The following ARHGAP24 variants were observed in gnomAD, a reference collection of about 807,000 sequenced individuals.
The protein encoded by ARHGAP24 is Rho GTPase activating protein 24.
In ARHGAP24, 50 loss-of-function variants were observed where a neutral mutation model predicts 76.4. The ratio of observed to expected loss-of-function variants is 0.65; its 90% confidence interval spans 0.52 to 0.83. The LOEUF is 0.83. Among genes scored for constraint, ARHGAP24 ranks in the 40% least tolerant of loss-of-function variants. The pLI, the probability that ARHGAP24 is intolerant of heterozygous loss-of-function variation, is 0.00. For synonymous variants in ARHGAP24, 345 were observed against 323.3 expected, an observed-to-expected ratio of 1.07 and a Z score of -0.72; for missense variants, 930 against 914.2, an observed-to-expected ratio of 1.02 and a Z score of -0.22.
intron 3 of ARHGAP24, among the ~76,000 whole-genome samples, chr4:85,776,238 T>A (rs925473290): frequency 5.3e-5 from 8 of 152,124 alleles, no homozygotes; most frequent in African/African-American, 1.2e-4. Flanking sequence ...AGTTAGAGAA[T>A]TCCGACTGCC....
chr4:85,875,529 A>G (rs1732857787), intron 3 of ARHGAP24, among the ~76,000 whole-genome samples: 1 of 95,710 alleles, frequency 1.0e-5, no homozygotes, highest in Non-Finnish European at 1.8e-5. Flanking sequence ...TATTGTATAT[A>G]ATATATATTA....
intron 1 of ARHGAP24, among the ~76,000 whole-genome samples, chr4:85,551,498 G>C (rs1160947569): frequency 6.6e-6 from 1 of 151,872 alleles, no homozygotes; most frequent in Admixed American, 6.6e-5. Context: ...TCTTTTTGTT[G>C]TTGTTGTTGT....
intron 3 of ARHGAP24, among the ~76,000 whole-genome samples, chr4:85,735,337 C>T (rs1366301729): frequency 2.0e-5 from 3 of 152,194 alleles, no homozygotes; most frequent in Middle Eastern, 3.2e-3. Context: ...CTTTTTGCAA[C>T]AAAACTATAC....
chr4:85,799,915 G>C (rs938569558), intron 3 of ARHGAP24, among the ~76,000 whole-genome samples: 5 of 152,154 alleles, frequency 3.3e-5, no homozygotes, highest in Non-Finnish European at 7.4e-5. Flanking sequence ...TTCAGGGGCA[G>C]TCTACAAAAT....
At chr4:85,513,761 A>T (rs950854578) in intron 1 of ARHGAP24, among the ~76,000 whole-genome samples, 5 of 152,240 alleles carry the variant, frequency 3.3e-5, no homozygotes, top group African/African-American at 2.4e-5. Flanking sequence ...AAGTTTTCTT[A>T]TCTTCTTCTT....
chr4:85,508,958 G>A (rs1446755300), intron 1 of ARHGAP24, among the ~76,000 whole-genome samples: 1 of 151,946 alleles, frequency 6.6e-6, no homozygotes, highest in Non-Finnish European at 1.5e-5. Flanking sequence ...GGCTCCTTCT[G>A]CCCTTCCATG....
At chr4:85,594,459 G>A (rs555726441) in intron 2 of ARHGAP24, among the ~76,000 whole-genome samples, 30 of 151,918 alleles carry the variant, frequency 2.0e-4, no homozygotes, top group African/African-American at 6.3e-4. Context: ...TTGTCTGATC[G>A]CTGTAACTAG....
intron 3 of ARHGAP24, among the ~76,000 whole-genome samples, chr4:85,867,482 G>A (rs1442222675): frequency 6.6e-6 from 1 of 152,042 alleles, no homozygotes; most frequent in East Asian, 1.9e-4. Flanking sequence ...ACTCTACTTA[G>A]TCTGGCAAAA....
At chr4:85,720,853 C>T (rs1724904608) in intron 2 of ARHGAP24, among the ~76,000 whole-genome samples, 1 of 151,844 alleles carries the variant, frequency 6.6e-6, no homozygotes, top group Non-Finnish European at 1.5e-5. Context: ...TAGTGATGAA[C>T]ACTTCTAGAA....
intron 3 of ARHGAP24, among the ~76,000 whole-genome samples, chr4:85,800,986 C>T (rs755113792): frequency 5.3e-5 from 8 of 152,228 alleles, no homozygotes; most frequent in Non-Finnish European, 8.8e-5. Context: ...AAACACAAAA[C>T]GTTTTTAGTT....
At chr4:85,971,187 G>A (rs1227919013) in intron 5 of ARHGAP24, among the ~76,000 whole-genome samples, 1 of 152,090 alleles carries the variant, frequency 6.6e-6, no homozygotes, top group Admixed American at 6.6e-5. Context: ...AAAATTTATA[G>A]CATGTCACGC....
At chr4:85,748,869 G>T (rs1726148244) in intron 3 of ARHGAP24, among the ~76,000 whole-genome samples, 1 of 152,174 alleles carries the variant, frequency 6.6e-6, no homozygotes, top group Admixed American at 6.5e-5. Flanking sequence ...TTACTTGACA[G>T]TCTCTGACAC....
intron 8 of ARHGAP24, among the ~76,000 whole-genome samples, chr4:85,986,046 T>A (rs11930571): frequency 0.046 from 6,997 of 152,306 alleles, 553 homozygotes; most frequent in African/African-American, 0.16. Flanking sequence ...TTCTTGGCTG[T>A]TAACATACTA....
intron 3 of ARHGAP24, among the ~76,000 whole-genome samples, chr4:85,849,309 CTT>C (rs2110159522): frequency 6.6e-6 from 1 of 151,230 alleles, no homozygotes; most frequent in East Asian, 1.9e-4. Context: ...TATCCTGAGA[CTT>C]TGCTGAAGTT....
chr4:85,934,007 T>C (rs1736494021), intron 4 of ARHGAP24, among the ~76,000 whole-genome samples: 1 of 152,226 alleles, frequency 6.6e-6, no homozygotes, highest in African/African-American at 2.4e-5. Context: ...TTTGTGCCTT[T>C]ATTGCTCCAT....
At position 85,725,545 on chromosome 4, in the gene ARHGAP24, A is replaced by T. The variant is rs529311798; in HGVS notation, c.268+3573A>T. Among the ~76,000 whole-genome samples the T allele has an allele frequency of 7.0e-4, 106 of 152,296 alleles. 1 individual carries two copies. In the South Asian group the frequency reaches 8.5e-3, roughly 12 times the overall value. On this transcript the variant is annotated intron_variant, in intron 3 of 9. Coordinates refer to ENST00000395184, the MANE Select transcript of ARHGAP24 (RefSeq NM_001025616.3). ...AAGAGACGGATGGAAGAAGGTAGAG[A>T]TCTTCCTACACAGATGATACTGCTG...
chr4:85,949,972 T>TA (rs1303835439), intron 5 of ARHGAP24, among the ~76,000 whole-genome samples: 1 of 152,138 alleles, frequency 6.6e-6, no homozygotes, highest in African/African-American at 2.4e-5. Context: ...AATATATAAA[T>TA]AATTTTGAAA....
At chr4:85,707,556 G>T (rs188226333) in intron 2 of ARHGAP24, among the ~76,000 whole-genome samples, 30 of 152,144 alleles carry the variant, frequency 2.0e-4, no homozygotes, top group African/African-American at 7.2e-4. Flanking sequence ...GAAACTTCTG[G>T]ATAAACACAT....
At chr4:85,924,779 A>T (rs1735923404) in intron 4 of ARHGAP24, 1 of 152,198 alleles carries the variant, frequency 6.6e-6, no homozygotes, top group Non-Finnish European at 1.5e-5. Flanking sequence ...CATTGAAAAC[A>T]TGATATTTTA....
Sources: gnomAD v4.1 joint callset for allele counts (sites outside exome capture counted in the v4.1 genomes callset) on GRCh38, gnomAD v4.1.1 for gene constraint, MANE v1.5 for transcripts, NCBI Gene and HGNC (gene_info 2026-07-23, HGNC 2026-07-21) for gene names.